Variants in GABRG3 observed in about 807,000 individuals in gnomAD.
GABRG3 encodes the protein gamma-aminobutyric acid receptor subunit gamma-3.
A neutral mutation model predicts 48.8 loss-of-function variants in GABRG3; 25 were observed. The ratio of observed to expected loss-of-function variants is 0.51; its 90% confidence interval spans 0.37 to 0.72. The LOEUF is 0.72. GABRG3 is among the 30% of genes least tolerant of loss of function. The pLI, the probability that GABRG3 is intolerant of heterozygous loss-of-function variation, is 0.00. For missense variants in GABRG3, 394 were observed against 577.9 expected (o/e 0.68, Z 3.26); for synonymous variants, 227 against 217.6 (o/e 1.04, Z -0.38).
chr15:27,240,962 G>A (rs1890112794), intron 3 of GABRG3, among the ~76,000 whole-genome samples: 1 of 152,162 alleles, frequency 6.6e-6, no homozygotes, highest in Non-Finnish European at 1.5e-5. Context: ...AAATGGAAAT[G>A]TTCTTACTGA....
At chr15:27,149,549 C>T (rs1056943833) in intron 3 of GABRG3, among the ~76,000 whole-genome samples, 1 of 152,130 alleles carries the variant, frequency 6.6e-6, no homozygotes, top group Non-Finnish European at 1.5e-5. Context: ...TGCAGAAGAA[C>T]AAAGTTGGAG....
intron 3 of GABRG3, among the ~76,000 whole-genome samples, chr15:27,307,789 T>TAAAC (rs1892696854): frequency 1.5e-5 from 1 of 67,834 alleles, no homozygotes; most frequent in Non-Finnish European, 3.1e-5. Context: ...TATATAAACA[T>TAAAC]ATATATAAAA....
intron 3 of GABRG3, chr15:27,280,252 T>C (rs901456603): frequency 1.3e-5 from 2 of 152,162 alleles, no homozygotes; most frequent in Non-Finnish European, 2.9e-5. Context: ...TTTTAAAAAA[T>C]GTTTTTATTT....
At chr15:27,367,106 G>A (rs945395801) in intron 5 of GABRG3, among the ~76,000 whole-genome samples, 1 of 152,108 alleles carries the variant, frequency 6.6e-6, no homozygotes, top group African/African-American at 2.4e-5. Flanking sequence ...AGGTCTCCCT[G>A]ACTAGCCAGG....
chr15:27,291,320 A>C lies in GABRG3; in HGVS notation c.271-35489A>C, dbSNP rs150447561. 5.3e-3 allele frequency among the ~76,000 whole-genome samples: 801 copies of C among 151,964 alleles called. 11 individuals are homozygous for C. The highest frequency in any genetic ancestry group is 0.018 in the African/African-American group (768 of 41,564). ...AATATGGCTTTCTATGTAACTTTAGATATCACTTATATTTTAAGAATGTTA... is the reference window on the plus strand; with the variant it reads ...AATATGGCTTTCTATGTAACTTTAGCTATCACTTATATTTTAAGAATGTTA... On this transcript the variant is annotated intron_variant, in intron 3 of 9. Coordinates refer to ENST00000615808, the MANE Select transcript of GABRG3 (RefSeq NM_033223.5).
intron 5 of GABRG3, among the ~76,000 whole-genome samples, chr15:27,354,310 T>A (rs1344407987): frequency 6.6e-6 from 1 of 152,224 alleles, no homozygotes; most frequent in East Asian, 1.9e-4. Context: ...CTTCTCACCT[T>A]CTCAGAAGAG....
intron 5 of GABRG3, among the ~76,000 whole-genome samples, chr15:27,420,018 G>A (rs974640359): frequency 1.3e-5 from 2 of 152,084 alleles, no homozygotes; most frequent in Non-Finnish European, 2.9e-5. Flanking sequence ...TACCATTCTG[G>A]GTGTAATAGC....
intron 6 of GABRG3, among the ~76,000 whole-genome samples, chr15:27,495,354 A>T (rs879388842): frequency 6.6e-6 from 1 of 152,182 alleles, no homozygotes; most frequent in Non-Finnish European, 1.5e-5. Context: ...CCATATTTTT[A>T]AAATTCATTC....
At chr15:27,268,838 C>T (rs1890997420) in intron 3 of GABRG3, among the ~76,000 whole-genome samples, 2 of 152,098 alleles carry the variant, frequency 1.3e-5, no homozygotes, top group African/African-American at 2.4e-5. Context: ...TCAAGGAGTC[C>T]TCTTGGCTTC....
At chr15:27,443,269 T>G (rs1362780173) in intron 5 of GABRG3, among the ~76,000 whole-genome samples, 2 of 152,222 alleles carry the variant, frequency 1.3e-5, no homozygotes, top group Non-Finnish European at 2.9e-5. Context: ...GAGTCAGCAT[T>G]AAATTAATAG....
At chr15:27,306,139 TA>T (rs1405733744) in intron 3 of GABRG3, among the ~76,000 whole-genome samples, 9 of 127,734 alleles carry the variant, frequency 7.0e-5, no homozygotes, top group African/African-American at 2.6e-4. Context: ...TGTTTATATA[TA>T]AACATATATA....
At chr15:27,122,107 T>A (rs938072424) in intron 3 of GABRG3, among the ~76,000 whole-genome samples, 5 of 152,134 alleles carry the variant, frequency 3.3e-5, no homozygotes, top group African/African-American at 1.2e-4. Flanking sequence ...AAGAGTGTAA[T>A]TGGATTGTTT....
At chr15:27,133,060 C>T (rs1284865766) in intron 3 of GABRG3, among the ~76,000 whole-genome samples, 1 of 151,732 alleles carries the variant, frequency 6.6e-6, no homozygotes, top group East Asian at 1.9e-4. Flanking sequence ...TTTCTAGGAC[C>T]TGTTGGTTGT....
chr15:27,169,890 A>G (rs1887507170), intron 3 of GABRG3, among the ~76,000 whole-genome samples: 1 of 152,202 alleles, frequency 6.6e-6, no homozygotes, highest in Admixed American at 6.5e-5. Flanking sequence ...CTGCAGACCA[A>G]AAACAATGGA....
At chr15:27,385,064 G>A (rs1008453736) in intron 5 of GABRG3, among the ~76,000 whole-genome samples, 1 of 152,088 alleles carries the variant, frequency 6.6e-6, no homozygotes, top group Non-Finnish European at 1.5e-5. Context: ...CTTTCATGCA[G>A]CAGGTCTTTT....
At chr15:27,083,411 C>T (rs1897023239) in intron 3 of GABRG3, among the ~76,000 whole-genome samples, 1 of 148,902 alleles carries the variant, frequency 6.7e-6, no homozygotes, top group South Asian at 2.1e-4. Flanking sequence ...CTGTTCACTG[C>T]AACCTCCGCC....
chr15:27,067,899 A>C (rs1382916409), intron 3 of GABRG3, among the ~76,000 whole-genome samples: 3 of 152,218 alleles, frequency 2.0e-5, no homozygotes, highest in Non-Finnish European at 2.9e-5. Flanking sequence ...AGATCAGAAG[A>C]GGGAAGCTGC....
chr15:27,292,322 T>C (rs192484183), intron 3 of GABRG3, among the ~76,000 whole-genome samples: 1 of 151,838 alleles, frequency 6.6e-6, no homozygotes, highest in Non-Finnish European at 1.5e-5. Context: ...GAGAAATACC[T>C]AATATAGGCA....
intron 2 of GABRG3, among the ~76,000 whole-genome samples, chr15:27,018,167 A>C (rs1401850082): frequency 6.6e-6 from 1 of 152,252 alleles, no homozygotes; most frequent in Non-Finnish European, 1.5e-5. Flanking sequence ...AATGAGCCCC[A>C]TCAAATTTAA....
Sources: allele counts gnomAD v4.1 joint callset (sites outside exome capture counted in the v4.1 genomes callset), GRCh38; gene constraint gnomAD v4.1.1; transcripts MANE v1.5; gene names NCBI Gene and HGNC (gene_info 2026-07-23, HGNC 2026-07-21).